SPMIP4: variants seen among roughly 807,000 people sequenced by gnomAD.
The protein encoded by SPMIP4 is sperm-associated microtubule inner protein 4.
chr7:25,179,192 T>G, the SPMIP4 span: 1 of 1,608,672 alleles, frequency 6.2e-7, no homozygotes, highest in Non-Finnish European at 8.5e-7. Context: ...CTGAGGCAGT[T>G]GGGCGAGTAA....
the SPMIP4 span, among the ~76,000 whole-genome samples, chr7:25,148,063 C>G: frequency 6.6e-6 from 1 of 152,136 alleles, no homozygotes; most frequent in Non-Finnish European, 1.5e-5. Flanking sequence ...AGTAGTGTCC[C>G]TTCTCCTTCC....
the SPMIP4 span, among the ~76,000 whole-genome samples, chr7:25,148,325 G>A: frequency 0.6 from 90,832 of 151,464 alleles, 28,302 homozygotes; most frequent in Non-Finnish European, 0.69. Flanking sequence ...TGCAGTCCCA[G>A]ATACTTAGGA....
At chr7:25,163,169 G>A in the SPMIP4 span, among the ~76,000 whole-genome samples, 14 of 152,302 alleles carry the variant, frequency 9.2e-5, no homozygotes, top group Non-Finnish European at 2.1e-4. This position sits in a 1 kb window ranked among gnomAD's most constrained non-coding sequence, Gnocchi z 4.4. Context: ...AAGAATACAT[G>A]ACGGCTAATA....
chr7:25,130,337 A>T, the SPMIP4 span, among the ~76,000 whole-genome samples: 1 of 119,818 alleles, frequency 8.3e-6, no homozygotes, highest in Non-Finnish European at 1.7e-5. Flanking sequence ...TTTGAGACGG[A>T]GTTTCGCTCT....
At chr7:25,165,769 A>G in the SPMIP4 span, among the ~76,000 whole-genome samples, 3 of 152,240 alleles carry the variant, frequency 2.0e-5, no homozygotes, top group African/African-American at 7.2e-5. Flanking sequence ...GAGATGTGGC[A>G]TTCGCCATTT....
the SPMIP4 span, among the ~76,000 whole-genome samples, chr7:25,165,660 A>G: frequency 1.5e-4 from 23 of 152,156 alleles, no homozygotes; most frequent in Admixed American, 9.8e-4. Flanking sequence ...ATTTTCTTAC[A>G]TTGAAGCAAC....
the SPMIP4 span, among the ~76,000 whole-genome samples, chr7:25,128,293 T>C: frequency 1.3e-5 from 2 of 152,228 alleles, no homozygotes; most frequent in African/African-American, 4.8e-5. This position sits in a 1 kb window ranked among gnomAD's most constrained non-coding sequence, Gnocchi z 4.5. Flanking sequence ...GGCAACAAGT[T>C]CTCTCCATCT....
At chr7:25,131,061 C>T in the SPMIP4 span, among the ~76,000 whole-genome samples, 1 of 152,306 alleles carries the variant, frequency 6.6e-6, no homozygotes, top group African/African-American at 2.4e-5. The surrounding 1 kb of genome is among the most constrained non-coding windows in gnomAD (Gnocchi z 4.2). Context: ...TACTACCACT[C>T]CCCTTCACGC....
At chr7:25,153,335 G>A in the SPMIP4 span, among the ~76,000 whole-genome samples, 5 of 151,848 alleles carry the variant, frequency 3.3e-5, no homozygotes, top group Admixed American at 1.3e-4. Context: ...AGGCTGAGGC[G>A]GGCAGATCAC....
At chr7:25,136,478 T>C in the SPMIP4 span, 8 of 1,614,192 alleles carry the variant, frequency 5.0e-6, no homozygotes, top group South Asian at 1.1e-5. This position sits in a 1 kb window ranked among gnomAD's most constrained non-coding sequence, Gnocchi z 5.7. Context: ...ATGTCATAAA[T>C]GCTAGTTAGG....
the SPMIP4 span, among the ~76,000 whole-genome samples, chr7:25,157,430 G>T: frequency 1.6e-4 from 25 of 152,008 alleles, no homozygotes; most frequent in African/African-American, 6.0e-4. Context: ...TGTGTGTGCA[G>T]CGGGGAAACC....
At chr7:25,161,928 A>G in the SPMIP4 span, among the ~76,000 whole-genome samples, 1 of 152,202 alleles carries the variant, frequency 6.6e-6, no homozygotes, top group Non-Finnish European at 1.5e-5. Flanking sequence ...CTTTAAAACA[A>G]TAATTCTATT....
chr7:25,159,688 C>G, the SPMIP4 span, among the ~76,000 whole-genome samples: 1 of 152,150 alleles, frequency 6.6e-6, no homozygotes, highest in Non-Finnish European at 1.5e-5. Flanking sequence ...ACACCTGACT[C>G]TCATGAACTA....
chr7:25,126,061 A>G, the SPMIP4 span: 1 of 345,108 alleles, frequency 2.9e-6, no homozygotes, highest in East Asian at 1.7e-4. Context: ...GTAAATATAT[A>G]TATATACTTA....
At chr7:25,129,733 C>T in the SPMIP4 span, among the ~76,000 whole-genome samples, 60 of 152,100 alleles carry the variant, frequency 3.9e-4, no homozygotes, top group African/African-American at 1.4e-3. Context: ...ACCAAAATGA[C>T]TTTTTGGAGA....
chr7:25,130,084 A>T, the SPMIP4 span, among the ~76,000 whole-genome samples: 3 of 151,566 alleles, frequency 2.0e-5, no homozygotes, highest in African/African-American at 7.3e-5. Context: ...CTAAAAATAC[A>T]AAAAATTAGC....
the SPMIP4 span, chr7:25,135,669 A>T: frequency 2.4e-6 from 2 of 847,152 alleles, no homozygotes. Flanking sequence ...TTTGTTGTAC[A>T]CATTGCTTTT....
the SPMIP4 span, among the ~76,000 whole-genome samples, chr7:25,175,905 G>C: frequency 6.6e-6 from 1 of 152,150 alleles, no homozygotes; most frequent in Non-Finnish European, 1.5e-5. Flanking sequence ...TTTGTAAGCT[G>C]TCTGGCTGCT....
the SPMIP4 span, among the ~76,000 whole-genome samples, chr7:25,130,464 C>T: frequency 3.1e-4 from 47 of 151,944 alleles, no homozygotes; most frequent in East Asian, 9.3e-3. Context: ...AGGTGTGTGC[C>T]ACCATGCCCG....
Sources: gnomAD v4.1 joint callset for allele counts (sites outside exome capture counted in the v4.1 genomes callset) on GRCh38, gnomAD v4.1.1 for gene constraint, Gnocchi (gnomAD v3.1) non-coding constraint, MANE v1.5 for transcripts, NCBI Gene and HGNC (gene_info 2026-07-23, HGNC 2026-07-21) for gene names.